FRMPD3: variants seen among roughly 807,000 people sequenced by gnomAD.
The protein encoded by FRMPD3 is FERM and PDZ domain containing 3.
In FRMPD3, 42 loss-of-function variants were observed where a neutral mutation model predicts 97.9. The observed-to-expected ratio is 0.43, with a 90% CI of 0.34 to 0.55. The LOEUF (loss-of-function observed/expected upper bound fraction) is 0.55, where lower values mean the gene tolerates loss of function less well. FRMPD3 is among the 20% of genes least tolerant of loss of function. The pLI is 0.03. For missense variants in FRMPD3, 1,303 were observed against 1,457.7 expected, an observed-to-expected ratio of 0.89 and a Z score of 1.73; for synonymous variants, 577 against 581.1, an observed-to-expected ratio of 0.99 and a Z score of 0.10.
chrX:107,549,917 G>A, intron 5 of FRMPD3, 132 bp from the exon 6 acceptor site: 5 of 475,788 alleles, frequency 1.1e-5, no homozygotes, highest in Non-Finnish European at 1.5e-5. Flanking sequence ...TCTTTCCTCT[G>A]TCTCTGCCCT....
chrX:107,527,114 G>A (rs182758525), intron 2 of FRMPD3, among the ~76,000 whole-genome samples: 18 of 111,831 alleles, frequency 1.6e-4, no homozygotes, highest in Non-Finnish European at 3.4e-4. Context: ...CAATGTTGTC[G>A]GGAAGTACAA....
At chrX:107,549,683 T>G (rs1023297717) in intron 5 of FRMPD3, among the ~76,000 whole-genome samples, 1 of 111,342 alleles carries the variant, frequency 9.0e-6, no homozygotes, top group East Asian at 2.8e-4. Flanking sequence ...AGAAGGTGTT[T>G]AAAAAAATGT....
At chrX:107,553,808 T>C (rs1012613424) in intron 7 of FRMPD3, among the ~76,000 whole-genome samples, 3 of 111,626 alleles carry the variant, frequency 2.7e-5, no homozygotes, top group African/African-American at 9.8e-5. Flanking sequence ...TTGAATTCAG[T>C]TGGTCTGTTG....
intron 13 of FRMPD3, among the ~76,000 whole-genome samples, chrX:107,596,715 G>T (rs1924187820): frequency 8.9e-6 from 1 of 111,952 alleles, no homozygotes. Context: ...TACACATTCA[G>T]ACCCCGGAAT....
rs369822926 is a variant in FRMPD3, at chrX:107,488,822, CT to C, written c.-7-37752del. The stretch of plus-strand genomic sequence containing the variant: ...ACTTTAAGTCCTGAATCAAGAACTT[CT>C]TTTTTTTAATTTTATTTTATTATTA... On this transcript the variant is annotated intron_variant, in intron 1 of 14. Coordinates refer to ENST00000683843, the MANE Select transcript of FRMPD3 (RefSeq NM_001388459.1). 3.3e-3 allele frequency among the ~76,000 whole-genome samples: 371 copies of C among 110,830 alleles called. 4 individuals carry two copies. The highest frequency in any genetic ancestry group is 0.011 in the African/African-American group (349 of 30,538).
At chrX:107,483,376 A>G (rs1207330670) in intron 1 of FRMPD3, among the ~76,000 whole-genome samples, 2 of 112,670 alleles carry the variant, frequency 1.8e-5, no homozygotes, top group African/African-American at 6.5e-5. Flanking sequence ...GACTACTGCC[A>G]TCAGCCAGTG....
chrX:107,595,503 G>T (rs1201437084), intron 13 of FRMPD3, among the ~76,000 whole-genome samples: 1 of 111,000 alleles, frequency 9.0e-6, no homozygotes, highest in African/African-American at 3.3e-5. Context: ...TGTTCCATAT[G>T]CACTTAAGAA....
At chrX:107,559,194 C>T (rs1235857221) in intron 8 of FRMPD3, among the ~76,000 whole-genome samples, 1 of 110,558 alleles carries the variant, frequency 9.0e-6, no homozygotes, top group Non-Finnish European at 1.9e-5. Flanking sequence ...TCTTGAACTC[C>T]TGATCTCAGG....
intron 1 of FRMPD3, among the ~76,000 whole-genome samples, chrX:107,458,048 C>T (rs1360273265): frequency 8.9e-6 from 1 of 111,937 alleles, no homozygotes; most frequent in African/African-American, 3.3e-5. Context: ...AGCTGATTGG[C>T]TGCCTATGTC....
chrX:107,518,977 CAG>C (rs1227122565), intron 1 of FRMPD3, among the ~76,000 whole-genome samples: 1 of 112,244 alleles, frequency 8.9e-6, no homozygotes, highest in Non-Finnish European at 1.9e-5. Flanking sequence ...CACAAAAAGA[CAG>C]ATATCGTATG....
chrX:107,527,032 T>A (rs1359075408), intron 2 of FRMPD3, among the ~76,000 whole-genome samples: 1 of 110,764 alleles, frequency 9.0e-6, no homozygotes, highest in Non-Finnish European at 1.9e-5. Context: ...AACCATAATG[T>A]CTTGCAAAAA....
At chrX:107,500,891 C>T (rs776781116) in intron 1 of FRMPD3, among the ~76,000 whole-genome samples, 11 of 109,412 alleles carry the variant, frequency 1.0e-4, no homozygotes, top group African/African-American at 3.7e-4. Flanking sequence ...ATGCCTGTCA[C>T]ATAGTAAGTG....
chrX:107,600,836 C>T lies in FRMPD3; in HGVS notation c.2797C>T (p.Leu933=), dbSNP rs761550933. Residue 933 remains leucine, a synonymous_variant, in exon 15 of 15, where the codon CTG becomes TTG. Coordinates refer to ENST00000683843, the MANE Select transcript of FRMPD3 (RefSeq NM_001388459.1). ...GCAGGTCTCTGAGCTGAGGGACAACCTGCCCAAGGAGGTCAGGTTGAGCCC... is the reference window on the plus strand; with the variant it reads ...GCAGGTCTCTGAGCTGAGGGACAACTTGCCCAAGGAGGTCAGGTTGAGCCC... ...EEQVSELRDN[L]PKEVRLSPKL... is the part of the protein sequence containing the mutation. 2.5e-6 allele frequency: 3 copies of T among 1,207,609 alleles called. No individual in the cohort carries two copies. The highest frequency in any genetic ancestry group is 2.3e-4 in the Middle Eastern group (1 of 4,353).
At chrX:107,471,260 C>CCTTCCTTCCTTCCTTCTTTCCTTA (rs1921049523) in intron 1 of FRMPD3, among the ~76,000 whole-genome samples, 1 of 108,734 alleles carries the variant, frequency 9.2e-6, no homozygotes, top group African/African-American at 3.4e-5. Flanking sequence ...TCTTTCCCTT[C>CCTTCCTTCCTTCCTTCTTTCCTTA]CTTCCTTCCT....
chrX:107,576,382 G>A lies in FRMPD3; in HGVS notation c.1364G>A (p.Arg455His). 7.4e-6 allele frequency: 9 copies of A among 1,210,204 alleles called. No homozygotes were observed. Among genetic ancestry groups the A allele is most frequent in the Non-Finnish European group, 1.0e-5 (9 of 895,055 alleles). ...NFACLIAGYC[R>H]LLLDSRKMVF... The stretch of plus-strand genomic sequence containing the variant: ...GCCTGCCTGATCGCGGGGTACTGCC[G>A]CCTCTTGCTGGATTCCAGGAAGATG... Residue 455 changes from arginine to histidine, a missense_variant, in exon 13 of 15, where the codon CGC becomes CAC. Around this residue, in one of 3 missense-constraint regions of FRMPD3, gnomAD observed 535 missense variants for 618.6 expected, o/e 0.86. Transcript: ENST00000683843.
At chrX:107,598,194 G>C (rs1924309737) in intron 14 of FRMPD3, 52 bp downstream of exon 14, 2 of 1,024,253 alleles carry the variant, frequency 2.0e-6, no homozygotes, top group African/African-American at 3.7e-5. Context: ...TGTCCAACAA[G>C]GGCCAGTAGG....
At position 107,490,742 on chromosome X, in the gene FRMPD3, C is replaced by T. The variant is rs144175354; in HGVS notation, c.-7-35840C>T. ...GGGTTTCTTTTTGTGGGCCTGAATA[C>T]GTTATTTCCCTGTGTGTGTGAAATG... On this transcript the variant is annotated intron_variant, in intron 1 of 14. Coordinates refer to ENST00000683843, the MANE Select transcript of FRMPD3 (RefSeq NM_001388459.1). Among the ~76,000 whole-genome samples, 495 of 111,846 alleles carry T rather than the reference C, an allele frequency of 4.4e-3. 2 individuals are homozygous for T. Among genetic ancestry groups the T allele is most frequent in the African/African-American group, 0.015 (451 of 30,746 alleles).
At chrX:107,457,292 A>C (rs772869211) in intron 1 of FRMPD3, among the ~76,000 whole-genome samples, 1 of 111,686 alleles carries the variant, frequency 9.0e-6, no homozygotes, top group African/African-American at 3.3e-5. Context: ...TAAACATTTG[A>C]TAATGTTTGG....
intron 1 of FRMPD3, among the ~76,000 whole-genome samples, chrX:107,491,809 A>G (rs1921665364): frequency 8.9e-6 from 1 of 112,200 alleles, no homozygotes; most frequent in Non-Finnish European, 1.9e-5. Flanking sequence ...TCCTGGCCAA[A>G]CAATTTGTAC....
Sources: gnomAD v4.1 joint callset for allele counts (sites outside exome capture counted in the v4.1 genomes callset) on GRCh38, gnomAD v4.1.1 for gene constraint, gnomAD v4.1.1 regional missense constraint, MANE v1.5 for transcripts, NCBI Gene and HGNC (gene_info 2026-07-23, HGNC 2026-07-21) for gene names.